The following EPB41L2 variants were observed in gnomAD, a reference collection of about 807,000 sequenced individuals.
The protein encoded by EPB41L2 is band 4.1-like protein 2.
EPB41L2 carries 43 observed loss-of-function variants against 113.0 expected under a neutral mutation model. The ratio of observed to expected loss-of-function variants is 0.38; its 90% CI spans 0.30 to 0.49. The LOEUF (loss-of-function observed/expected upper bound fraction) is 0.49, where lower values mean the gene tolerates loss of function less well. EPB41L2 is among the 20% of genes least tolerant of loss of function. EPB41L2 has a pLI of 0.95. For missense variants in EPB41L2, 1,147 were observed against 1,223.4 expected (o/e 0.94, Z 0.93); for synonymous variants, 442 against 436.7 (o/e 1.01, Z -0.15).
chr6:131,032,263 T>TTCCTTCAGTTTTTTCATCCC (rs556067503), intron 1 of EPB41L2, among the ~76,000 whole-genome samples: 3,931 of 152,180 alleles, frequency 0.026, 187 homozygotes, highest in African/African-American at 0.09. Context: ...GGTTTCATCC[T>TTCCTTCAGTTTTTTCATCCC]TCCTTCAGTT....
intron 19 of EPB41L2, among the ~76,000 whole-genome samples, chr6:130,849,713 G>A (rs775716560): frequency 3.5e-4 from 53 of 152,164 alleles, no homozygotes; most frequent in African/African-American, 1.0e-3. Flanking sequence ...ATGTATGCAT[G>A]TATTCCAACT....
At chr6:130,858,400 C>T (rs139982181) in intron 18 of EPB41L2, 157 bp from the exon 19 acceptor site, 3 of 557,412 alleles carry the variant, frequency 5.4e-6, no homozygotes, top group Non-Finnish European at 6.4e-6. Flanking sequence ...AATGGGTTCA[C>T]TGTCATTTTA....
chr6:130,976,852 C>G (rs1778306071), intron 1 of EPB41L2, among the ~76,000 whole-genome samples: 1 of 152,108 alleles, frequency 6.6e-6, no homozygotes, highest in African/African-American at 2.4e-5. Context: ...TGCTTTACAC[C>G]AGACACTGGT....
chr6:130,974,496 G>T lies in EPB41L2; in HGVS notation c.-14-17997C>A, dbSNP rs9375787. Among the ~76,000 whole-genome samples, 878 of 151,976 alleles carry T rather than the reference G, an allele frequency of 5.8e-3. 6 individuals carry two copies. Among genetic ancestry groups the T allele is most frequent in the African/African-American group, 0.019 (780 of 41,452 alleles). ...TGTGAATCTCATTGTTCAAAAAAAC[G>T]TTGGGAGAATTCAGAGAGAATGAGT... On this transcript the variant is annotated intron_variant, in intron 1 of 19. Transcript: ENST00000337057.
chr6:130,906,930 C>T (rs1797907884), intron 5 of EPB41L2, among the ~76,000 whole-genome samples: 1 of 152,146 alleles, frequency 6.6e-6, no homozygotes, highest in Admixed American at 6.6e-5. Flanking sequence ...CTTACTGTTA[C>T]TCATATTGCC....
In EPB41L2 at chr6:130,894,328, G is replaced by C; in HGVS notation, c.1487+16C>G. 6.2e-7 allele frequency: 1 copy of C among 1,607,784 alleles called. No homozygotes were observed. Among genetic ancestry groups the C allele is most frequent in the Non-Finnish European group, 8.5e-7 (1 of 1,174,552 alleles). ...TGCGATCATGCCCGGCTTCCGAGCT[G>C]TTTTCCTAAAATTACCTGTAGAAAG... On this transcript the variant is annotated intron_variant, in intron 10 of 19. Coordinates refer to ENST00000337057, the MANE Select transcript of EPB41L2 (RefSeq NM_001431.4).
intron 19 of EPB41L2, 77 bp downstream of exon 19, chr6:130,858,054 T>G: frequency 1.7e-6 from 2 of 1,147,202 alleles, no homozygotes; most frequent in South Asian, 2.5e-5. Context: ...ATATGAACTT[T>G]CATTTCACAT....
chr6:130,884,750 TAATC>T, intron 12 of EPB41L2, among the ~76,000 whole-genome samples: 1 of 152,332 alleles, frequency 6.6e-6, no homozygotes, highest in East Asian at 1.9e-4. Flanking sequence ...ATAATTAAAA[TAATC>T]AAGAAGCTAC....
intron 1 of EPB41L2, among the ~76,000 whole-genome samples, chr6:130,963,859 T>C (rs1774259923): frequency 6.6e-6 from 1 of 152,204 alleles, no homozygotes. Context: ...GCAGAGATTA[T>C]CTAGAGACAT....
intron 1 of EPB41L2, among the ~76,000 whole-genome samples, chr6:131,048,595 G>A (rs2128193424): frequency 6.6e-6 from 1 of 152,290 alleles, no homozygotes. Context: ...ATTATATGAT[G>A]TCTGGAGTTT....
chr6:130,989,137 G>T (rs1389793745), intron 1 of EPB41L2, among the ~76,000 whole-genome samples: 1 of 152,092 alleles, frequency 6.6e-6, no homozygotes, highest in African/African-American at 2.4e-5. Flanking sequence ...CCCAATATCA[G>T]ATCATTCATT....
chr6:130,930,138 C>T (rs1395750493), intron 3 of EPB41L2, among the ~76,000 whole-genome samples: 1 of 152,076 alleles, frequency 6.6e-6, no homozygotes, highest in Non-Finnish European at 1.5e-5. Context: ...ATAACAGACA[C>T]CCTGAGGAGT....
chr6:130,982,124 T>C (rs771276911), intron 1 of EPB41L2, among the ~76,000 whole-genome samples: 1 of 152,048 alleles, frequency 6.6e-6, no homozygotes, highest in Non-Finnish European at 1.5e-5. Context: ...AAAAAAGCAT[T>C]TTTAAGTCAA....
intron 4 of EPB41L2, among the ~76,000 whole-genome samples, chr6:130,922,958 T>C (rs1219897556): frequency 6.6e-6 from 1 of 152,190 alleles, no homozygotes; most frequent in Non-Finnish European, 1.5e-5. Flanking sequence ...ACTAAATTCA[T>C]TTATTTACTT....
At chr6:131,006,703 G>C (rs1394015936) in intron 1 of EPB41L2, among the ~76,000 whole-genome samples, 1 of 151,482 alleles carries the variant, frequency 6.6e-6, no homozygotes, top group Non-Finnish European at 1.5e-5. Flanking sequence ...AGTTCCATGA[G>C]TTAGATTTTT....
intron 1 of EPB41L2, among the ~76,000 whole-genome samples, chr6:131,039,713 GC>G: frequency 6.6e-6 from 1 of 152,248 alleles, no homozygotes; most frequent in East Asian, 1.9e-4. Context: ...GGATACAGGA[GC>G]CAGTTTGAAG....
chr6:130,923,193 C>G (rs1803459276), intron 4 of EPB41L2, among the ~76,000 whole-genome samples: 2 of 152,214 alleles, frequency 1.3e-5, no homozygotes, highest in South Asian at 4.1e-4. Context: ...ATTCGCTTTT[C>G]TACTTCCACT....
At chr6:130,882,304 T>C (rs1562381504) in intron 12 of EPB41L2, 1 of 152,254 alleles carries the variant, frequency 6.6e-6, no homozygotes. Context: ...TAACTTAGAA[T>C]GTGTGGAACT....
At chr6:130,978,289 G>C (rs1778615548) in intron 1 of EPB41L2, among the ~76,000 whole-genome samples, 1 of 152,246 alleles carries the variant, frequency 6.6e-6, no homozygotes, top group African/African-American at 2.4e-5. Context: ...TACAAACCCA[G>C]AGTGTGGTGG....
Sources: allele counts gnomAD v4.1 joint callset (sites outside exome capture counted in the v4.1 genomes callset), GRCh38; gene constraint gnomAD v4.1.1; transcripts MANE v1.5; gene names NCBI Gene and HGNC (gene_info 2026-07-23, HGNC 2026-07-21).